The following ERMP1 variants were observed in gnomAD, a reference collection of about 807,000 sequenced individuals.
ERMP1 encodes the protein Felix-ina.
A neutral mutation model predicts 92.0 loss-of-function variants in ERMP1; 86 were observed. The ratio of observed to expected loss-of-function variants is 0.93; its 90% CI spans 0.79 to 1.12. ERMP1 has a LOEUF of 1.12. ERMP1 is among the 50% of genes most tolerant of loss of function. The pLI is 0.00. For synonymous variants in ERMP1, 530 were observed against 412.8 expected (o/e 1.28, Z -3.44); for missense variants, 1,342 against 1,116.3 (o/e 1.20, Z -2.88).
At chr9:5,827,290 A>T (rs1829762482) in intron 2 of ERMP1, among the ~76,000 whole-genome samples, 1 of 152,226 alleles carries the variant, frequency 6.6e-6, no homozygotes, top group Non-Finnish European at 1.5e-5. Context: ...TCCATGGGCC[A>T]CATTAAGAGA....
At chr9:5,822,315 G>T (rs988771573) in intron 4 of ERMP1, among the ~76,000 whole-genome samples, 1 of 152,082 alleles carries the variant, frequency 6.6e-6, no homozygotes, top group African/African-American at 2.4e-5. Flanking sequence ...ACTCACTCTT[G>T]TAGATATTAG....
chr9:5,830,669 T>A (rs1586825357), intron 2 of ERMP1, 58 bp downstream of exon 2: 2 of 1,428,904 alleles, frequency 1.4e-6, no homozygotes, highest in Non-Finnish European at 1.9e-6. Flanking sequence ...CTTGGGGTTA[T>A]GTTAATAAAC....
chr9:5,851,371 C>T (rs759928008), intron 6 of ERMP1, among the ~76,000 whole-genome samples: 3 of 152,114 alleles, frequency 2.0e-5, no homozygotes, highest in Non-Finnish European at 4.4e-5. Context: ...TTCTGACATG[C>T]TATAAATGAA....
At chr9:5,824,652 C>T (rs981804719) in intron 3 of ERMP1, among the ~76,000 whole-genome samples, 19 of 152,052 alleles carry the variant, frequency 1.2e-4, no homozygotes, top group Non-Finnish European at 4.4e-5. Context: ...CTGCCTGCCT[C>T]GGCCTCCCAA....
chr9:5,858,608 G>C (rs1174371441), intron 6 of ERMP1, among the ~76,000 whole-genome samples: 2 of 152,196 alleles, frequency 1.3e-5, no homozygotes, highest in Admixed American at 1.3e-4. Flanking sequence ...CGGAGCACAA[G>C]AGTCAGAGTG....
chr9:5,794,644 C>T (rs1828340509), intron 13 of ERMP1, among the ~76,000 whole-genome samples: 1 of 151,976 alleles, frequency 6.6e-6, no homozygotes, highest in African/African-American at 2.4e-5. Context: ...ATCTGATAAC[C>T]TAGATAAAAT....
chr9:5,812,280 C>T, intron 5 of ERMP1, 63 bp from the exon 6 acceptor site: 1 of 947,022 alleles, frequency 1.1e-6, no homozygotes, highest in Non-Finnish European at 1.6e-6. Flanking sequence ...TGCTTTCGAC[C>T]TATTTCTTTA....
intron 13 of ERMP1, among the ~76,000 whole-genome samples, chr9:5,789,366 T>A (rs1242792071): frequency 6.6e-6 from 1 of 152,234 alleles, no homozygotes; most frequent in African/African-American, 2.4e-5. Context: ...CAACAATTTT[T>A]AAAAACTCAA....
At chr9:5,789,561 CTGAGACAG>C (rs1310618554) in intron 13 of ERMP1, among the ~76,000 whole-genome samples, 5 of 152,218 alleles carry the variant, frequency 3.3e-5, no homozygotes, top group African/African-American at 1.2e-4. Context: ...GAACTTTTTC[CTGAGACAG>C]GGTCTTGCTC....
intron 6 of ERMP1, among the ~76,000 whole-genome samples, chr9:5,850,311 A>G (rs527953424): frequency 3.3e-4 from 48 of 144,908 alleles, no homozygotes; most frequent in African/African-American, 1.1e-3. Flanking sequence ...AGGCTGAGGC[A>G]GGAGAACTGC....
intron 6 of ERMP1, among the ~76,000 whole-genome samples, chr9:5,850,325 A>T (rs552506765): frequency 3.7e-5 from 5 of 136,884 alleles, no homozygotes; most frequent in African/African-American, 1.3e-4. Flanking sequence ...GAACTGCTTG[A>T]ACCTGGGAGG....
intron 6 of ERMP1, among the ~76,000 whole-genome samples, chr9:5,841,881 G>A (rs563840813): frequency 1.3e-5 from 2 of 151,750 alleles, no homozygotes; most frequent in Admixed American, 1.3e-4. Context: ...TCCTTGTGGT[G>A]GGTTTGTGGT....
At chr9:5,823,589 G>A (rs925188526) in intron 4 of ERMP1, among the ~76,000 whole-genome samples, 1 of 152,086 alleles carries the variant, frequency 6.6e-6, no homozygotes, top group Non-Finnish European at 1.5e-5. Flanking sequence ...AATCTCTCTG[G>A]ACTCAGTTTC....
At chr9:5,815,079 A>G (rs1053573750) in intron 4 of ERMP1, among the ~76,000 whole-genome samples, 7 of 152,228 alleles carry the variant, frequency 4.6e-5, no homozygotes, top group Admixed American at 2.6e-4. Flanking sequence ...GAGTCCCAAA[A>G]GAACAGAAGA....
Position 5,825,171 on chromosome 9 carries a change from C to T in ERMP1, c.689G>A (p.Arg230His), listed in dbSNP as rs778526397. The T allele has an allele frequency of 9.9e-6, 16 of 1,613,894 alleles. No homozygotes were observed. The highest frequency in any genetic ancestry group is 5.3e-5 in the African/African-American group (4 of 74,890). Residue 230 changes from arginine (R) to histidine (H), a missense_variant, in exon 3 of 15, where the codon CGC (arginine) becomes CAC (histidine). By Grantham distance (29) the Arg-to-His change is conservative. Transcript: ENST00000339450. ...VSCSVMLEVLRVLSTSSEALH... is the reference protein window; with the variant it reads ...VSCSVMLEVLHVLSTSSEALH... ...GGCTTCTGAAGATGTTGACAAGACG[C>T]GAAGGACTTCCAGCATCACTGAGCA...
At chr9:5,816,898 C>G (rs12235535) in intron 4 of ERMP1, among the ~76,000 whole-genome samples, 2,045 of 135,154 alleles carry the variant, frequency 0.015, 26 homozygotes, top group East Asian at 0.066. Flanking sequence ...AGAGCCTATG[C>G]TTTTTTTTTT....
At chr9:5,809,337 T>A (rs917925677) in intron 8 of ERMP1, among the ~76,000 whole-genome samples, 6 of 152,198 alleles carry the variant, frequency 3.9e-5, no homozygotes, top group African/African-American at 1.4e-4. Flanking sequence ...ATTTCTAATT[T>A]TATTTTTGCC....
chr9:5,862,887 C>T (rs1378407580), intron 5 of ERMP1, among the ~76,000 whole-genome samples: 1 of 152,172 alleles, frequency 6.6e-6, no homozygotes, highest in Non-Finnish European at 1.5e-5. Flanking sequence ...CAATAAAATG[C>T]AATAAGAAAG....
intron 4 of ERMP1, among the ~76,000 whole-genome samples, chr9:5,815,968 A>G (rs1204824236): frequency 6.6e-6 from 1 of 152,088 alleles, no homozygotes; most frequent in Non-Finnish European, 1.5e-5. Context: ...AATTTATGCT[A>G]AAAAATACAA....
Sources: allele counts gnomAD v4.1 joint callset (sites outside exome capture counted in the v4.1 genomes callset), GRCh38; gene constraint gnomAD v4.1.1; transcripts MANE v1.5; gene names NCBI Gene and HGNC (gene_info 2026-07-23, HGNC 2026-07-21).